The following RPRD1A variants were observed in gnomAD, a reference collection of about 807,000 sequenced individuals.
RPRD1A encodes regulation of nuclear pre-mRNA domain-containing protein 1A.
A neutral mutation model predicts 37.8 loss-of-function variants in RPRD1A; 9 were observed. The observed-to-expected ratio is 0.24, with a 90% CI of 0.14 to 0.42. The LOEUF is 0.42. Among genes scored for constraint, RPRD1A ranks in the 10% least tolerant of loss-of-function variants. The pLI is 1.00. For synonymous variants in RPRD1A, 138 were observed against 139.7 expected, an observed-to-expected ratio of 0.99 and a Z score of 0.08; for missense variants, 255 against 371.0, an observed-to-expected ratio of 0.69 and a Z score of 2.57.
intron 6 of RPRD1A, among the ~76,000 whole-genome samples, chr18:36,012,079 C>A (rs571254242): frequency 1.7e-4 from 26 of 152,270 alleles, no homozygotes; most frequent in African/African-American, 5.8e-4. Flanking sequence ...TGTATAGAAA[C>A]AAGAGTACAG....
At chr18:36,043,762 T>A (rs1478219556) in intron 1 of RPRD1A, among the ~76,000 whole-genome samples, 7 of 152,212 alleles carry the variant, frequency 4.6e-5, no homozygotes, top group Admixed American at 3.9e-4. Flanking sequence ...TTATTATGTA[T>A]CTCATTTAAC....
intron 6 of RPRD1A, among the ~76,000 whole-genome samples, chr18:36,024,275 T>C (rs1911207368): frequency 6.6e-6 from 1 of 151,664 alleles, no homozygotes; most frequent in South Asian, 2.1e-4. Context: ...GCCTCCCAAG[T>C]AGCTGGGACT....
chr18:36,057,373 C>T (rs573703800), intron 1 of RPRD1A, among the ~76,000 whole-genome samples: 9 of 152,074 alleles, frequency 5.9e-5, no homozygotes, highest in African/African-American at 2.2e-4. Context: ...TTTGGGAGGC[C>T]AAAACGGGAG....
chr18:36,067,523 G>T lies in RPRD1A; in HGVS notation c.-119C>A, dbSNP rs113006943. 13 of 1,101,386 alleles carry T rather than the reference G, an allele frequency of 1.2e-5. No individual in the cohort carries two copies. The highest frequency in any genetic ancestry group is 2.9e-5 in the East Asian group (1 of 34,218). The allele number at this position is 1,101,386 out of a possible 1,614,324, so 68.2% of individuals were successfully genotyped here. ...CCTTCCCCACGCTCTCACCACGGCC[G>T]CCGCTTCATCCAAGACCGGCCGCAA... On this transcript the variant is annotated 5_prime_UTR_variant, in exon 1 of 7. Coordinates refer to ENST00000399022, the MANE Select transcript of RPRD1A (RefSeq NM_018170.5).
intron 1 of RPRD1A, among the ~76,000 whole-genome samples, chr18:36,061,773 T>C (rs938488422): frequency 6.6e-6 from 1 of 152,188 alleles, no homozygotes; most frequent in Non-Finnish European, 1.5e-5. Flanking sequence ...TAGAATACAT[T>C]GGGAACACTT....
At chr18:36,019,814 C>T (rs1255254637) in intron 6 of RPRD1A, among the ~76,000 whole-genome samples, 2 of 152,042 alleles carry the variant, frequency 1.3e-5, no homozygotes, top group African/African-American at 4.8e-5. Flanking sequence ...CCGAGGTGAG[C>T]GGGTCACCTG....
chr18:36,062,931 G>A (rs1461677571), intron 1 of RPRD1A: 1 of 152,114 alleles, frequency 6.6e-6, no homozygotes, highest in Non-Finnish European at 1.5e-5. Flanking sequence ...AAAAGGTGTG[G>A]TATGTGAATT....
intron 4 of RPRD1A, 75 bp downstream of exon 4, chr18:36,030,733 G>A (rs1911717911): frequency 1.2e-6 from 1 of 867,524 alleles, no homozygotes; most frequent in Non-Finnish European, 1.8e-6. Flanking sequence ...TTACAGAAGT[G>A]AAACGAAATT....
intron 6 of RPRD1A, among the ~76,000 whole-genome samples, chr18:35,998,438 T>G (rs28431958): frequency 0.23 from 35,293 of 152,040 alleles, 4,133 homozygotes; most frequent in African/African-American, 0.25. Flanking sequence ...AACCAATGCT[T>G]TACCTCATTC....
chr18:36,028,298 C>T (rs1911522761), intron 4 of RPRD1A: 1 of 151,386 alleles, frequency 6.6e-6, no homozygotes, highest in South Asian at 2.1e-4. Context: ...ATGAATGAAA[C>T]TAATAAGAAA....
In RPRD1A at chr18:36,026,987, T is replaced by A. The variant is rs1911414473; in HGVS notation, c.702A>T (p.Ile234=). 6.2e-7 allele frequency: 1 copy of A among 1,613,936 alleles called. No homozygotes were observed. The highest frequency in any genetic ancestry group is 1.1e-5 in the South Asian group (1 of 91,084). ...ADYNGRLAAE[I]DDRKQLTRML... ...TTCGAGTGAGTTGCTTTCTATCATC[T>A]ATTTCTGCCGCCAATCTGCCATTGT... Residue 234 remains isoleucine, a synonymous_variant, in exon 6 of 7, where the codon ATA becomes ATT. Transcript: ENST00000399022.
chr18:36,004,402 A>G (rs953780322), intron 6 of RPRD1A, among the ~76,000 whole-genome samples: 7 of 151,858 alleles, frequency 4.6e-5, no homozygotes, highest in African/African-American at 1.7e-4. Context: ...CTACAGGCGC[A>G]CACCACCACA....
intron 1 of RPRD1A, among the ~76,000 whole-genome samples, chr18:36,057,918 T>C (rs894363229): frequency 6.6e-6 from 1 of 152,242 alleles, no homozygotes; most frequent in African/African-American, 2.4e-5. Context: ...CAAAGTCCAT[T>C]TGCCTGGCTG....
At chr18:35,994,413 C>G (rs1178324599) in intron 6 of RPRD1A, among the ~76,000 whole-genome samples, 1 of 152,114 alleles carries the variant, frequency 6.6e-6, no homozygotes, top group Non-Finnish European at 1.5e-5. Flanking sequence ...GAGCAATGTC[C>G]TTTAAAAACT....
chr18:36,053,702 A>T (rs1913559490), intron 1 of RPRD1A, among the ~76,000 whole-genome samples: 1 of 152,038 alleles, frequency 6.6e-6, no homozygotes, highest in South Asian at 2.1e-4. Context: ...TTACTGGGTC[A>T]TATAGTAATT....
rs1911732205 is a variant in RPRD1A at position 36,030,892 on chromosome 18, C to T, written c.402G>A (p.Lys134=). 1 of 1,611,460 alleles carries T rather than the reference C, an allele frequency of 6.2e-7. No homozygotes were observed. Among genetic ancestry groups the T allele is most frequent in the East Asian group, 2.2e-5 (1 of 44,788 alleles). ...TCTGTTCATAAGTTCGCTTCCTAGG[C>T]TTCTTATCACCATCTGAAATGAAAG... The part of the protein sequence containing the change: ...QLKQALYGDK[K]PRKRTYEQIK... The change falls in exon 4 of 7, where the codon AAG becomes AAA. Residue 134 remains lysine, a synonymous_variant. Transcript: ENST00000399022.
chr18:36,049,934 G>T (rs191339605), intron 1 of RPRD1A, among the ~76,000 whole-genome samples: 1 of 152,174 alleles, frequency 6.6e-6, no homozygotes, highest in Non-Finnish European at 1.5e-5. Context: ...ATTCTGACCA[G>T]CAATGTGCCA....
At chr18:36,023,656 C>A (rs184542350) in intron 6 of RPRD1A, among the ~76,000 whole-genome samples, 1 of 152,316 alleles carries the variant, frequency 6.6e-6, no homozygotes, top group African/African-American at 2.4e-5. Context: ...TCAACTGATG[C>A]AGCAAACTTT....
chr18:36,037,563 G>A (rs1912282429), intron 1 of RPRD1A, among the ~76,000 whole-genome samples: 2 of 152,178 alleles, frequency 1.3e-5, no homozygotes, highest in South Asian at 4.1e-4. Context: ...CAGTAAATTG[G>A]TACCAAGTAG....
Sources: allele counts gnomAD v4.1 joint callset (sites outside exome capture counted in the v4.1 genomes callset), GRCh38; gene constraint gnomAD v4.1.1; transcripts MANE v1.5; gene names NCBI Gene and HGNC (gene_info 2026-07-23, HGNC 2026-07-21).